Variants in CHAF1B observed in about 807,000 individuals in gnomAD.
The protein encoded by CHAF1B is chromatin assembly factor 1 subunit B.
CHAF1B carries 10 observed loss-of-function variants against 60.7 expected under a neutral mutation model. That is an observed-to-expected ratio of 0.16 (90% CI 0.10 to 0.28). CHAF1B has a LOEUF of 0.28. Ranked by LOEUF, CHAF1B falls within the 10% of genes least tolerant of loss-of-function variation. CHAF1B has a pLI of 1.00. For missense variants in CHAF1B, 558 were observed against 708.4 expected (o/e 0.79, Z 2.41); for synonymous variants, 261 against 266.1 (o/e 0.98, Z 0.19).
intron 8 of CHAF1B, among the ~76,000 whole-genome samples, chr21:36,405,401 C>A (rs1289025219): frequency 2.6e-5 from 4 of 151,922 alleles, no homozygotes; most frequent in African/African-American, 9.7e-5. Flanking sequence ...TAGTGCAAAA[C>A]CTGCAAAATA....
At chr21:36,387,310 C>G (rs1272039680) in intron 2 of CHAF1B, among the ~76,000 whole-genome samples, 1 of 150,962 alleles carries the variant, frequency 6.6e-6, no homozygotes, top group South Asian at 2.1e-4. Flanking sequence ...GCAGCCCCGA[C>G]CCGGGGCTCA....
At chr21:36,389,488 C>T (rs2086064655) in intron 3 of CHAF1B, among the ~76,000 whole-genome samples, 1 of 151,498 alleles carries the variant, frequency 6.6e-6, no homozygotes. Flanking sequence ...CTCCTATAAT[C>T]CTAGCTACTC....
At chr21:36,393,426 A>G (rs1601558242) in intron 4 of CHAF1B, among the ~76,000 whole-genome samples, 1 of 146,752 alleles carries the variant, frequency 6.8e-6, no homozygotes, top group African/African-American at 2.5e-5. Flanking sequence ...AAAGTATTCA[A>G]TTTTAAAGAT....
intron 3 of CHAF1B, among the ~76,000 whole-genome samples, chr21:36,390,749 G>A (rs1042220049): frequency 6.6e-6 from 1 of 152,080 alleles, no homozygotes; most frequent in Non-Finnish European, 1.5e-5. Flanking sequence ...TCCACCTCCC[G>A]GGCTCAAGTG....
At chr21:36,394,707 C>A in intron 5 of CHAF1B, 57 bp downstream of exon 5, 1 of 1,200,990 alleles carries the variant, frequency 8.3e-7, no homozygotes, top group Non-Finnish European at 1.2e-6. Context: ...TCTATAAAAG[C>A]CTAAAAGTCT....
chr21:36,394,266 G>A (rs796806735), intron 4 of CHAF1B, among the ~76,000 whole-genome samples: 1 of 152,064 alleles, frequency 6.6e-6, no homozygotes, highest in African/African-American at 2.4e-5. Flanking sequence ...TAGTAGAGAC[G>A]TGGTTTCACC....
intron 8 of CHAF1B, among the ~76,000 whole-genome samples, chr21:36,404,011 C>T (rs941536599): frequency 2.0e-5 from 3 of 151,894 alleles, no homozygotes; most frequent in Non-Finnish European, 4.4e-5. Flanking sequence ...CCCAAGAAGT[C>T]TCAGGACTAA....
chr21:36,415,276 T>G lies in CHAF1B; in HGVS notation c.1494-19T>G, dbSNP rs879088655. ...ACTAATGAGCCATCACCCCTCTACT[T>G]TTTTTTTTTTAAATCAAGGAGAATA... On this transcript the variant is annotated intron_variant, in intron 12 of 13. Coordinates refer to ENST00000314103, the MANE Select transcript of CHAF1B (RefSeq NM_005441.3). 7.7e-7 allele frequency: 1 copy of G among 1,294,208 alleles called. No homozygotes were observed. The highest frequency in any genetic ancestry group is 1.9e-5 in the Admixed American group (1 of 51,834). 80.2% of individuals were successfully genotyped at this position (1,294,208 alleles called of 1,614,324 possible).
In CHAF1B at chr21:36,418,655, C is replaced by A. The variant is rs2086334967; in HGVS notation, c.*2289C>A. 6.6e-6 allele frequency: 1 copy of A among 152,010 alleles called. No homozygotes were observed. The highest frequency in any genetic ancestry group is 1.5e-5 in the Non-Finnish European group (1 of 68,096). The allele number at this position is 152,010 out of a possible 1,614,324, so 9.4% of individuals were successfully genotyped here. A position where few individuals can be genotyped will look rare whatever the true frequency, so the allele number is the denominator to read the frequency against. ...CTTGAGGTTGGGAGTTTGAGACCAG[C>A]CTGGCCAACATGGTGGAACCCCATC... On this transcript the variant is annotated 3_prime_UTR_variant, in exon 14 of 14. Coordinates refer to ENST00000314103, the MANE Select transcript of CHAF1B (RefSeq NM_005441.3).
At position 36,386,204 on chromosome 21, in the gene CHAF1B, A is replaced by T. The variant is rs750325153; in HGVS notation, c.68A>T (p.His23Leu). The T allele has an allele frequency of 6.2e-7, 1 of 1,614,188 alleles. No homozygotes were observed. The highest frequency in any genetic ancestry group is 8.5e-7 in the Non-Finnish European group (1 of 1,180,010). The change falls in exon 2 of 14, where the codon CAT becomes CTT. Residue 23 changes from histidine (H) to leucine (L), a missense_variant. Around this residue, in one of 2 missense-constraint regions of CHAF1B, gnomAD observed 325 missense variants for 493.5 expected, o/e 0.66. Transcript: ENST00000314103. ...KEPVYSLDFQHGTAGRIHRLA... is the reference protein window; with the variant it reads ...KEPVYSLDFQLGTAGRIHRLA... The stretch of plus-strand genomic sequence containing the variant: ...CCCGTGTACAGCCTGGACTTCCAGC[A>T]TGGGACGGCTGGGAGGATCCACAGA...
chr21:36,387,700 A>G lies in CHAF1B; in HGVS notation c.229A>G (p.Thr77Ala), dbSNP rs1352990979. 10 of 1,613,952 alleles carry G rather than the reference A, an allele frequency of 6.2e-6. No homozygotes were observed. The highest frequency in any genetic ancestry group is 2.2e-5 in the East Asian group (1 of 44,888). ...KAVNVVRFSPTGEILASGGDD... is the reference protein window; with the variant it reads ...KAVNVVRFSPAGEILASGGDD... ...CGTCAATGTTGTGCGTTTTTCTCCA[A>G]CTGGGGAAATTTTAGCATCGGGAGG... Residue 77 changes from threonine (T) to alanine (A), a missense_variant, in exon 3 of 14, where the codon ACT becomes GCT. By Grantham distance (58) the Thr-to-Ala change is moderately conservative. Around this residue, in one of 2 missense-constraint regions of CHAF1B, gnomAD observed 325 missense variants for 493.5 expected, o/e 0.66. Coordinates refer to ENST00000314103, the MANE Select transcript of CHAF1B (RefSeq NM_005441.3).
chr21:36,389,804 C>CGCGA (rs2086071500), intron 3 of CHAF1B, among the ~76,000 whole-genome samples: 1 of 105,420 alleles, frequency 9.5e-6, no homozygotes, highest in African/African-American at 4.7e-5. Context: ...TGTGTGTGCG[C>CGCGA]GCGCACGCTG....
In CHAF1B at chr21:36,416,471, C is replaced by T. The variant is rs2086320877; in HGVS notation, c.*105C>T. 1 of 745,020 alleles carries T rather than the reference C, an allele frequency of 1.3e-6. No homozygotes were observed. Among genetic ancestry groups the T allele is most frequent in the Non-Finnish European group, 2.1e-6 (1 of 467,208 alleles). 46.2% of individuals were successfully genotyped at this position (745,020 alleles called of 1,614,324 possible). A position where few individuals can be genotyped will look rare whatever the true frequency, so the allele number is the denominator to read the frequency against. The stretch of plus-strand genomic sequence containing the variant: ...CAGGGCTTCCATGGAGCGGGACACA[C>T]TGTAAATGGATTTCTATAACAGAAG... On this transcript the variant is annotated 3_prime_UTR_variant, in exon 14 of 14. Transcript: ENST00000314103.
chr21:36,388,205 G>A lies in CHAF1B; in HGVS notation c.259+475G>A, dbSNP rs570980628. The stretch of plus-strand genomic sequence containing the variant: ...TCAGTAAAATACTGTTCTAGGGAAT[G>A]TGGTAGAGTCAGGGAGGGAGGACAG... On this transcript the variant is annotated intron_variant, in intron 3 of 13. Coordinates refer to ENST00000314103, the MANE Select transcript of CHAF1B (RefSeq NM_005441.3). Among the ~76,000 whole-genome samples the A allele has an allele frequency of 3.3e-5, 5 of 152,282 alleles. No individual in the cohort carries two copies. The East Asian group carries it at 9.7e-4, about 29-fold the overall frequency.
chr21:36,417,772 G>T lies in CHAF1B; in HGVS notation c.*1406G>T, dbSNP rs955349737. ...GTGAGACACCATGCCTGGTCAAATGGTATCTGTTTTGACGGGTGGTTCTCA... is the reference window on the plus strand; with the variant it reads ...GTGAGACACCATGCCTGGTCAAATGTTATCTGTTTTGACGGGTGGTTCTCA... On this transcript the variant is annotated 3_prime_UTR_variant, in exon 14 of 14. Transcript: ENST00000314103. 1 of 151,590 alleles carries T rather than the reference G, an allele frequency of 6.6e-6. No homozygotes were observed. The highest frequency in any genetic ancestry group is 1.5e-5 in the Non-Finnish European group (1 of 67,888). The allele number at this position is 151,590 out of a possible 1,614,324, so 9.4% of individuals were successfully genotyped here.
chr21:36,406,806 G>A (rs1357781195), intron 8 of CHAF1B, among the ~76,000 whole-genome samples: 1 of 152,152 alleles, frequency 6.6e-6, no homozygotes. Context: ...ACAAGAGATG[G>A]ATCTTGCAAA....
At chr21:36,409,308 T>C in intron 9 of CHAF1B, 66 bp from the exon 10 acceptor site, 1 of 1,344,304 alleles carries the variant, frequency 7.4e-7, no homozygotes, top group East Asian at 2.3e-5. Flanking sequence ...GCCAAAATGT[T>C]TACCTTTTAT....
chr21:36,400,727 G>A (rs988393061), intron 7 of CHAF1B, among the ~76,000 whole-genome samples: 2 of 152,182 alleles, frequency 1.3e-5, no homozygotes, highest in African/African-American at 4.8e-5. Context: ...CTAGCAGACA[G>A]CAGAGACCCA....
chr21:36,410,028 A>T (rs1032370971), intron 10 of CHAF1B, among the ~76,000 whole-genome samples: 1 of 151,302 alleles, frequency 6.6e-6, no homozygotes, highest in South Asian at 2.1e-4. Context: ...CAGTGGTGCA[A>T]TCTTGGCTCA....
Sources: gnomAD v4.1 joint callset for allele counts (sites outside exome capture counted in the v4.1 genomes callset) on GRCh38, gnomAD v4.1.1 for gene constraint, gnomAD v4.1.1 regional missense constraint, MANE v1.5 for transcripts, NCBI Gene and HGNC (gene_info 2026-07-23, HGNC 2026-07-21) for gene names.